The following ZEB2 variants were observed in gnomAD, a reference collection of about 807,000 sequenced individuals.
ZEB2 encodes zinc finger E-box binding homeobox 2, also known as zinc finger E-box-binding homeobox 2.
In ZEB2, 6 loss-of-function variants were observed where a neutral mutation model predicts 99.9. The ratio of observed to expected loss-of-function variants is 0.06; its 90% CI spans 0.03 to 0.12. The LOEUF (loss-of-function observed/expected upper bound fraction) is 0.12. Among genes scored for constraint, ZEB2 ranks in the 10% least tolerant of loss-of-function variants. The probability of loss-of-function intolerance (pLI) is 1.00; values close to 1 mark genes in which losing one functional copy is unlikely to be tolerated. For missense variants in ZEB2, 969 were observed against 1,502.8 expected (o/e 0.64, Z 5.87); for synonymous variants, 517 against 542.5 (o/e 0.95, Z 0.65).
chr2:144,411,793 C>T (rs577967829), intron 4 of ZEB2, among the ~76,000 whole-genome samples: 123 of 152,230 alleles, frequency 8.1e-4, no homozygotes, highest in Non-Finnish European at 1.5e-3. Flanking sequence ...TTCAGGAGAG[C>T]GAGGTGAAGA....
At chr2:144,442,218 A>C (rs1703927261) in intron 2 of ZEB2, among the ~76,000 whole-genome samples, 1 of 152,202 alleles carries the variant, frequency 6.6e-6, no homozygotes, top group Non-Finnish European at 1.5e-5. Context: ...ATGGTGGAAA[A>C]TCACAGAATC....
At chr2:144,391,493 C>G (rs1344062762) in intron 9 of ZEB2, among the ~76,000 whole-genome samples, 12 of 152,188 alleles carry the variant, frequency 7.9e-5, no homozygotes, top group African/African-American at 2.9e-4. Flanking sequence ...TCAAACCACA[C>G]AAGAACCATT....
intron 2 of ZEB2, chr2:144,463,265 A>G (rs180836854): frequency 1.3e-5 from 2 of 152,196 alleles, no homozygotes; most frequent in Non-Finnish European, 2.9e-5. Flanking sequence ...AACTCAGTCA[A>G]CCGAAGTTCT....
chr2:144,409,130 G>T (rs577548289), intron 4 of ZEB2, among the ~76,000 whole-genome samples: 1 of 152,212 alleles, frequency 6.6e-6, no homozygotes, highest in South Asian at 2.1e-4. Context: ...CCTTGCAGTG[G>T]TTCGGTTGAC....
chr2:144,462,809 C>A (rs1211694090), intron 2 of ZEB2: 2 of 152,052 alleles, frequency 1.3e-5, no homozygotes, highest in Non-Finnish European at 2.9e-5. Context: ...AGCTGGCATA[C>A]AATAGATAAT....
intron 2 of ZEB2, among the ~76,000 whole-genome samples, chr2:144,435,316 A>C (rs1216658201): frequency 6.6e-6 from 1 of 152,118 alleles, no homozygotes; most frequent in African/African-American, 2.4e-5. Context: ...AATTTAAAAT[A>C]AGTCCTTTTG....
At chr2:144,478,693 C>T (rs1704465228) in intron 2 of ZEB2, among the ~76,000 whole-genome samples, 1 of 152,210 alleles carries the variant, frequency 6.6e-6, no homozygotes, top group African/African-American at 2.4e-5. Flanking sequence ...TTTTCTCTCA[C>T]CTACATTTTT....
At chr2:144,505,621 G>A (rs1384292869) in intron 2 of ZEB2, among the ~76,000 whole-genome samples, 1 of 152,274 alleles carries the variant, frequency 6.6e-6, no homozygotes, top group African/African-American at 2.4e-5. Flanking sequence ...GCTGGGAGTG[G>A]GGGGTGTGGT....
chr2:144,414,505 C>A (rs888926250), intron 4 of ZEB2, among the ~76,000 whole-genome samples: 3 of 151,996 alleles, frequency 2.0e-5, no homozygotes, highest in Non-Finnish European at 4.4e-5. Context: ...CATCCCATGA[C>A]GGCTAGTGCG....
chr2:144,447,945 GC>G (rs1704007886), intron 2 of ZEB2, among the ~76,000 whole-genome samples: 1 of 152,154 alleles, frequency 6.6e-6, no homozygotes. Flanking sequence ...TATCTAACCT[GC>G]CTCCATGTCC....
intron 2 of ZEB2, chr2:144,503,591 G>A (rs1704905334): frequency 6.6e-6 from 1 of 152,006 alleles, no homozygotes; most frequent in South Asian, 2.1e-4. Context: ...CCACTCCAAA[G>A]TTAGAAGAGA....
intron 8 of ZEB2, 68 bp downstream of exon 8, chr2:144,398,233 C>A: frequency 6.3e-7 from 1 of 1,584,894 alleles, no homozygotes; most frequent in East Asian, 2.3e-5. Context: ...TTTTTTTTTC[C>A]TACATGCACA....
intron 6 of ZEB2, among the ~76,000 whole-genome samples, chr2:144,402,945 C>T (rs1006492273): frequency 6.6e-6 from 1 of 152,048 alleles, no homozygotes; most frequent in East Asian, 1.9e-4. Flanking sequence ...TTTCCTTATT[C>T]GAAGAAAATG....
At chr2:144,509,227 A>G (rs1027356517) in intron 2 of ZEB2, among the ~76,000 whole-genome samples, 1 of 152,182 alleles carries the variant, frequency 6.6e-6, no homozygotes, top group East Asian at 1.9e-4. Context: ...TTAATATCAC[A>G]GCTGCCTGGT....
In ZEB2 at chr2:144,513,430, G is replaced by A. The variant is rs1705075628; in HGVS notation, c.73+3848C>T. On this transcript the variant is annotated intron_variant, in intron 2 of 9. Coordinates refer to ENST00000627532, the MANE Select transcript of ZEB2 (RefSeq NM_014795.4). ...TCCCCAACCCTTTAGTGGAAACTCT[G>A]GAGAAAAATCAAATTTAACTTTTCC... The A allele has an allele frequency of 3.5e-6, 5 of 1,417,268 alleles. No individual in the cohort carries two copies. In the South Asian group the frequency reaches 3.7e-5, roughly 10 times the overall value. 87.8% of individuals were successfully genotyped at this position (1,417,268 alleles called of 1,614,324 possible).
intron 2 of ZEB2, chr2:144,431,153 C>T (rs1037588826): frequency 3.3e-5 from 5 of 152,168 alleles, no homozygotes; most frequent in African/African-American, 1.2e-4. Flanking sequence ...ATTTTGATTT[C>T]TCTGCGCCTA....
At chr2:144,415,058 C>G (rs1007129940) in intron 4 of ZEB2, among the ~76,000 whole-genome samples, 3 of 140,796 alleles carry the variant, frequency 2.1e-5, no homozygotes, top group Non-Finnish European at 4.7e-5. Flanking sequence ...TTGTTTTATT[C>G]TTACATTTTT....
chr2:144,503,094 A>G (rs545032790), intron 2 of ZEB2, among the ~76,000 whole-genome samples: 20 of 152,308 alleles, frequency 1.3e-4, no homozygotes, highest in African/African-American at 4.8e-4. Flanking sequence ...TAAGACTTTT[A>G]AAGACTGGAA....
chr2:144,507,784 A>C (rs1704971064), intron 2 of ZEB2, among the ~76,000 whole-genome samples: 1 of 152,216 alleles, frequency 6.6e-6, no homozygotes, highest in Non-Finnish European at 1.5e-5. Context: ...TTCCTGTCAG[A>C]AGCCTGAAAA....
Sources: gnomAD v4.1 joint callset for allele counts (sites outside exome capture counted in the v4.1 genomes callset) on GRCh38, gnomAD v4.1.1 for gene constraint, MANE v1.5 for transcripts, NCBI Gene and HGNC (gene_info 2026-07-23, HGNC 2026-07-21) for gene names.